TLE4: variants seen among roughly 807,000 people sequenced by gnomAD.
The protein encoded by TLE4 is transducin-like enhancer protein 4.
A neutral mutation model predicts 92.8 loss-of-function variants in TLE4; 8 were observed. The ratio of observed to expected loss-of-function variants is 0.09; its 90% CI spans 0.05 to 0.16. The LOEUF is 0.16. Ranked by LOEUF, TLE4 falls within the 10% of genes least tolerant of loss-of-function variation. The pLI is 1.00. For missense variants in TLE4, 675 were observed against 997.6 expected (o/e 0.68, Z 4.36); for synonymous variants, 371 against 374.1 (o/e 0.99, Z 0.10).
chr9:79,634,505 C>A (rs79196253), intron 6 of TLE4, among the ~76,000 whole-genome samples: 3 of 152,174 alleles, frequency 2.0e-5, no homozygotes, highest in Middle Eastern at 3.4e-3. Flanking sequence ...TTTAATGAGA[C>A]GTAATCTGCA....
intron 3 of TLE4, 125 bp from the exon 4 acceptor site, chr9:79,576,008 A>G (rs897853369): frequency 7.0e-5 from 37 of 525,352 alleles, no homozygotes; most frequent in Non-Finnish European, 1.1e-4. Flanking sequence ...GGCATAGGTT[A>G]TATGAAGATA....
chr9:79,678,052 G>A (rs3902073), intron 8 of TLE4, among the ~76,000 whole-genome samples: 80,145 of 151,912 alleles, frequency 0.53, 23,781 homozygotes, highest in East Asian at 0.7. Flanking sequence ...AATTCAGTAC[G>A]CTGTTTTATA....
chr9:79,659,532 C>G (rs937347537), intron 8 of TLE4, among the ~76,000 whole-genome samples: 1 of 151,872 alleles, frequency 6.6e-6, no homozygotes, highest in Admixed American at 6.6e-5. Context: ...AAATGAGATT[C>G]GAATAGGATT....
chr9:79,597,153 A>G (rs2044239489), intron 4 of TLE4, among the ~76,000 whole-genome samples: 1 of 152,092 alleles, frequency 6.6e-6, no homozygotes, highest in Non-Finnish European at 1.5e-5. Context: ...CTAGTTCTCC[A>G]TGTGCAGCCT....
chr9:79,697,046 A>G (rs1008313225), intron 8 of TLE4, among the ~76,000 whole-genome samples: 8 of 152,208 alleles, frequency 5.3e-5, no homozygotes, highest in African/African-American at 1.7e-4. Context: ...TACAGGTCAT[A>G]TACTGAAAAA....
intron 5 of TLE4, among the ~76,000 whole-genome samples, chr9:79,627,131 G>A (rs1018838761): frequency 1.3e-5 from 2 of 152,054 alleles, no homozygotes; most frequent in Non-Finnish European, 2.9e-5. Flanking sequence ...TTGTAAAGGA[G>A]CATTCTTCAT....
intron 5 of TLE4, among the ~76,000 whole-genome samples, chr9:79,614,705 C>G (rs1010269548): frequency 6.6e-6 from 1 of 152,184 alleles, no homozygotes; most frequent in Non-Finnish European, 1.5e-5. Flanking sequence ...TTGTGCAACC[C>G]CAGGGCCTGT....
intron 8 of TLE4, among the ~76,000 whole-genome samples, chr9:79,669,590 T>C (rs1341942603): frequency 4.6e-5 from 7 of 152,162 alleles, no homozygotes; most frequent in Non-Finnish European, 1.0e-4. Flanking sequence ...TTGGTATTAT[T>C]TCACCTAGTG....
At chr9:79,697,594 A>G (rs908622199) in intron 8 of TLE4, among the ~76,000 whole-genome samples, 3 of 152,120 alleles carry the variant, frequency 2.0e-5, no homozygotes, top group African/African-American at 7.2e-5. Context: ...ACTGTGTTCA[A>G]TGAAATTTCT....
chr9:79,612,554 C>A, intron 4 of TLE4, 102 bp from the exon 5 acceptor site: 1 of 1,116,814 alleles, frequency 9.0e-7, no homozygotes, highest in Non-Finnish European at 1.4e-6. Flanking sequence ...ATATGCCAGC[C>A]AAATTATAAA....
intron 8 of TLE4, among the ~76,000 whole-genome samples, chr9:79,658,966 C>T (rs1226686151): frequency 6.6e-6 from 1 of 152,168 alleles, no homozygotes; most frequent in Non-Finnish European, 1.5e-5. Flanking sequence ...AACACTTCAG[C>T]ATATCCACTG....
intron 2 of TLE4, 66 bp downstream of exon 2, chr9:79,573,852 C>T: frequency 8.4e-7 from 1 of 1,193,730 alleles, no homozygotes. Context: ...CAAATACACA[C>T]AAACACTTAC....
chr9:79,669,319 T>C (rs907944830), intron 8 of TLE4, among the ~76,000 whole-genome samples: 3 of 152,174 alleles, frequency 2.0e-5, no homozygotes, highest in Admixed American at 1.3e-4. Context: ...AGATGGAAAT[T>C]GTCACAGAAT....
chr9:79,669,438 C>CT (rs1564784434), intron 8 of TLE4, among the ~76,000 whole-genome samples: 1 of 152,114 alleles, frequency 6.6e-6, no homozygotes. Context: ...ATTAAAATGT[C>CT]TTTTGGAAGA....
Position 79,689,546 on chromosome 9 carries a change from A to G in TLE4, c.610-15237A>G, listed in dbSNP as rs11138333. On this transcript the variant is annotated intron_variant, in intron 8 of 19. Coordinates refer to ENST00000376552, the MANE Select transcript of TLE4 (RefSeq NM_007005.6). ...TCACTTTGTCAGCATTGTAGAGTCA[A>G]GCATGGAAGCACTGCATTCAGTATT... 8.3e-4 allele frequency among the ~76,000 whole-genome samples: 127 copies of G among 152,318 alleles called. No individual in the cohort carries two copies. In the East Asian group the frequency reaches 0.016, roughly 19 times the overall value.
At chr9:79,717,225 T>C (rs1462151992) in intron 14 of TLE4, among the ~76,000 whole-genome samples, 2 of 152,162 alleles carry the variant, frequency 1.3e-5, no homozygotes, top group African/African-American at 4.8e-5. Flanking sequence ...GAAAACCAAT[T>C]CCTTCACCTC....
intron 2 of TLE4, 174 bp downstream of exon 2, chr9:79,573,960 ATAAAT>A (rs1358380717): frequency 4.9e-6 from 2 of 411,134 alleles, no homozygotes; most frequent in African/African-American, 4.1e-5. Context: ...GCAGGTGTAA[ATAAAT>A]TAAACATTTC....
chr9:79,717,164 C>T (rs2074663257), intron 14 of TLE4, among the ~76,000 whole-genome samples: 1 of 152,196 alleles, frequency 6.6e-6, no homozygotes. Context: ...GATATCTAAC[C>T]TGACCTCTCT....
intron 5 of TLE4, among the ~76,000 whole-genome samples, chr9:79,622,762 A>G (rs574299813): frequency 6.6e-6 from 1 of 152,288 alleles, no homozygotes; most frequent in African/African-American, 2.4e-5. Context: ...AATGGATGAA[A>G]AAAACAAAGC....
Sources: gnomAD v4.1 joint callset for allele counts (sites outside exome capture counted in the v4.1 genomes callset) on GRCh38, gnomAD v4.1.1 for gene constraint, MANE v1.5 for transcripts, NCBI Gene and HGNC (gene_info 2026-07-23, HGNC 2026-07-21) for gene names.